PDCL2: variants seen among roughly 807,000 people sequenced by gnomAD.
The protein encoded by PDCL2 is phosducin-like protein 2.
In PDCL2, 23 loss-of-function variants were observed where a neutral mutation model predicts 30.3. The ratio of observed to expected loss-of-function variants is 0.76; its 90% confidence interval spans 0.55 to 1.08. The LOEUF (loss-of-function observed/expected upper bound fraction) is 1.08, where lower values mean the gene tolerates loss of function less well. PDCL2 is among the 50% of genes least tolerant of loss of function. The probability of loss-of-function intolerance (pLI) is 0.00; values close to 1 mark genes in which losing one functional copy is unlikely to be tolerated. For synonymous variants in PDCL2, 68 were observed against 86.2 expected, an observed-to-expected ratio of 0.79 and a Z score of 1.17; for missense variants, 243 against 282.3, an observed-to-expected ratio of 0.86 and a Z score of 1.00.
chr4:55,578,088 C>T lies in PDCL2; in HGVS notation c.218+2733G>A, dbSNP rs200224616. On this transcript the variant is annotated intron_variant, in intron 3 of 5. Transcript: ENST00000295645. ...GTATTTTTTGAGCCTGCATCTTCCC[C>T]GGAGTAAATGCACTGGCTTTCTATA... 2.0e-5 allele frequency among the ~76,000 whole-genome samples: 3 copies of T among 152,088 alleles called. No homozygotes were observed. The East Asian group carries it at 5.8e-4, about 29-fold the overall frequency.
In PDCL2 at chr4:55,587,551, C is replaced by T. The variant is rs528254708; in HGVS notation, c.6+4553G>A. Among the ~76,000 whole-genome samples, 229 of 151,196 alleles carry T rather than the reference C, an allele frequency of 1.5e-3. 2 individuals are homozygous for T. Among genetic ancestry groups the T allele is most frequent in the Non-Finnish European group, 2.3e-3 (154 of 67,754 alleles). On this transcript the variant is annotated intron_variant, in intron 1 of 5. Transcript: ENST00000295645. ...TCTGTGGGTTGTCTTTTTTCTTTTT[C>T]TGTTTTTTTTAAATTTTTTTTTTTT...
rs1363212733 is a variant in PDCL2 at position 55,556,686 on chromosome 4, A to C, written c.597T>G (p.Val199=). ...LEELEWKLAE[V]GAIQTDLEEN... ...CTTCCAAATCAGTCTGTATTGCTCC[A>C]ACTTCTGCTAGCTTCCATTCAAGTT... Residue 199 remains valine (V), a synonymous_variant, in exon 6 of 6, where the codon GTT becomes GTG. Coordinates refer to ENST00000295645, the MANE Select transcript of PDCL2 (RefSeq NM_152401.3). The C allele has an allele frequency of 1.9e-6, 3 of 1,556,680 alleles. No individual in the cohort carries two copies. In the South Asian group the frequency reaches 3.6e-5, roughly 19 times the overall value.
chr4:55,560,986 C>G lies in PDCL2; in HGVS notation c.571+1418G>C, dbSNP rs573501802. ...ATAAAGTTTCTTGTTTATAAGCCAC[C>G]CAGTTTACAGTATTTTTATTATAGC... On this transcript the variant is annotated intron_variant, in intron 5 of 5. Transcript: ENST00000295645. 5.9e-5 allele frequency among the ~76,000 whole-genome samples: 9 copies of G among 152,170 alleles called. No homozygotes were observed. In the South Asian group the frequency reaches 1.9e-3, roughly 32 times the overall value.
At chr4:55,559,337 A>AAAC (rs34941164) in intron 5 of PDCL2, among the ~76,000 whole-genome samples, 51,130 of 151,824 alleles carry the variant, frequency 0.34, 9,265 homozygotes, top group East Asian at 0.58. Context: ...GGAAAATTGG[A>AAAC]AACTCACATT....
At position 55,569,820 on chromosome 4, in the gene PDCL2, TG is replaced by T; in HGVS notation, c.259del (p.Gln87LysfsTer6). On this transcript the variant is annotated frameshift_variant, in exon 4 of 6. Transcript: ENST00000295645. LOFTEE classifies it high-confidence loss of function. The part of the protein sequence containing the change: ...LQEWKALKKK[Q>X]KFGELREISG... ...AATTTCTCTTAATTCTCCAAATTTT[TG>T]TTTTTTCTTAAGAGCTTTCCATTCC... 6.4e-7 allele frequency: 1 copy of T among 1,560,838 alleles called. No homozygotes were observed. Among genetic ancestry groups the T allele is most frequent in the Non-Finnish European group, 8.7e-7 (1 of 1,150,084 alleles).
At chr4:55,582,335 G>T (rs1184751288) in intron 1 of PDCL2, 98 bp from the exon 2 acceptor site, 5 of 1,295,396 alleles carry the variant, frequency 3.9e-6, no homozygotes, top group African/African-American at 3.0e-5. Flanking sequence ...GTATTCAATT[G>T]TTCATGAACT....
intron 1 of PDCL2, among the ~76,000 whole-genome samples, chr4:55,587,216 T>TAAAAAAAAAAAAAAAAAAAAAAAA (rs869107656): frequency 1.6e-5 from 1 of 62,820 alleles, no homozygotes; most frequent in African/African-American, 7.5e-5. Context: ...GACAGAATAG[T>TAAAAAAAAAAAAAAAAAAAAAAAA]AAAAAAAAAA....
At chr4:55,568,966 C>T (rs1357833618) in intron 4 of PDCL2, among the ~76,000 whole-genome samples, 1 of 152,152 alleles carries the variant, frequency 6.6e-6, no homozygotes, top group Non-Finnish European at 1.5e-5. Context: ...GTTTGTCACT[C>T]CTAGAAGCTC....
intron 4 of PDCL2, among the ~76,000 whole-genome samples, chr4:55,564,162 A>G (rs1732203408): frequency 6.6e-6 from 1 of 152,204 alleles, no homozygotes; most frequent in Admixed American, 6.5e-5. Flanking sequence ...TAATTCAGAG[A>G]AATTTTATAA....
chr4:55,562,814 C>T (rs538000472), intron 4 of PDCL2, among the ~76,000 whole-genome samples: 8 of 151,408 alleles, frequency 5.3e-5, no homozygotes, highest in East Asian at 2.0e-4. Context: ...CATTATAACC[C>T]GGGAATGAAG....
chr4:55,565,973 G>GTTTTTTTTTTTTTTTTTTTTTTTTTTTTT (rs71194595), intron 4 of PDCL2, among the ~76,000 whole-genome samples: 1 of 74,494 alleles, frequency 1.3e-5, no homozygotes, highest in African/African-American at 5.2e-5. Flanking sequence ...CCATTTTTCT[G>GTTTTTTTTTTTTTTTTTTTTTTTTTTTTT]TTTTTTTTTT....
At chr4:55,567,409 C>A (rs551084272) in intron 4 of PDCL2, among the ~76,000 whole-genome samples, 132 of 152,194 alleles carry the variant, frequency 8.7e-4, no homozygotes, top group African/African-American at 3.1e-3. Flanking sequence ...GTGGTGCAGA[C>A]CTGTAGTCCA....
chr4:55,575,370 G>GA (rs957824682), intron 3 of PDCL2, among the ~76,000 whole-genome samples: 16 of 143,846 alleles, frequency 1.1e-4, no homozygotes, highest in Middle Eastern at 3.5e-3. Flanking sequence ...TCAAATCTGA[G>GA]AAAAAAAAAA....
chr4:55,560,130 T>C (rs1732086911), intron 5 of PDCL2, among the ~76,000 whole-genome samples: 1 of 148,932 alleles, frequency 6.7e-6, no homozygotes, highest in Non-Finnish European at 1.5e-5. Context: ...GTTATGCATA[T>C]TCTACTACAA....
chr4:55,576,716 T>G (rs1366123862), intron 3 of PDCL2, among the ~76,000 whole-genome samples: 2 of 152,168 alleles, frequency 1.3e-5, no homozygotes, highest in African/African-American at 4.8e-5. Flanking sequence ...AAAGCAGTAA[T>G]GGAAGACTTA....
At position 55,571,459 on chromosome 4, in the gene PDCL2, G is replaced by A. The variant is rs752251619; in HGVS notation, c.219-1598C>T. On this transcript the variant is annotated intron_variant, in intron 3 of 5. Transcript: ENST00000295645. The stretch of plus-strand genomic sequence containing the variant: ...TCCCAGCACTTTGGGAGGCCGAGGC[G>A]GGCAGATCACGAGGGCAGGAGATCG... Among the ~76,000 whole-genome samples the A allele has an allele frequency of 8.6e-4, 129 of 150,244 alleles. 1 individual carries two copies. Among genetic ancestry groups the A allele is most frequent in the Admixed American group, 1.5e-3 (23 of 14,908 alleles).
chr4:55,585,789 T>C (rs1254600964), intron 1 of PDCL2, among the ~76,000 whole-genome samples: 1 of 152,214 alleles, frequency 6.6e-6, no homozygotes, highest in Admixed American at 6.5e-5. Context: ...TATGTGTCTA[T>C]GGATTTATCC....
In PDCL2 at chr4:55,580,491, T is replaced by C. The variant is rs1305652868; in HGVS notation, c.218+330A>G. The stretch of plus-strand genomic sequence containing the variant: ...TAATTAATTATTCATGAAATGATAG[T>C]CACCTTTGACAGACATCATGCTAGA... On this transcript the variant is annotated intron_variant, in intron 3 of 5. Coordinates refer to ENST00000295645, the MANE Select transcript of PDCL2 (RefSeq NM_152401.3). Among the ~76,000 whole-genome samples the C allele has an allele frequency of 3.9e-5, 6 of 152,330 alleles. No homozygotes were observed. In the South Asian group the frequency reaches 1.0e-3, roughly 26 times the overall value.
At chr4:55,589,554 TC>T (rs895269657) in intron 1 of PDCL2, among the ~76,000 whole-genome samples, 11 of 152,172 alleles carry the variant, frequency 7.2e-5, no homozygotes, top group African/African-American at 2.7e-4. Flanking sequence ...CACCAAGATA[TC>T]CTTCCCTGAA....
Sources: gnomAD v4.1 joint callset for allele counts (sites outside exome capture counted in the v4.1 genomes callset) on GRCh38, gnomAD v4.1.1 for gene constraint, MANE v1.5 for transcripts, NCBI Gene and HGNC (gene_info 2026-07-23, HGNC 2026-07-21) for gene names.